Variants in SMURF2 observed in about 807,000 individuals in gnomAD.
SMURF2 encodes the protein E3 ubiquitin-protein ligase SMURF2.
In SMURF2, 48 loss-of-function variants were observed where a neutral mutation model predicts 109.6. The observed-to-expected ratio is 0.44, with a 90% CI of 0.35 to 0.56. The LOEUF is 0.56. Ranked by LOEUF, SMURF2 falls within the 20% of genes least tolerant of loss-of-function variation. SMURF2 has a pLI of 0.01. For missense variants in SMURF2, 575 were observed against 909.0 expected (o/e 0.63, Z 4.72); for synonymous variants, 288 against 317.1 (o/e 0.91, Z 0.97).
At chr17:64,552,517 A>C (rs1555683703) in intron 15 of SMURF2, among the ~76,000 whole-genome samples, 1 of 152,180 alleles carries the variant, frequency 6.6e-6, no homozygotes, top group African/African-American at 2.4e-5. Flanking sequence ...GGGGACAGCA[A>C]AACTGTGTAA....
At chr17:64,605,378 T>C (rs1969954328) in intron 2 of SMURF2, among the ~76,000 whole-genome samples, 2 of 152,128 alleles carry the variant, frequency 1.3e-5, no homozygotes, top group African/African-American at 4.8e-5. Flanking sequence ...GGTTCTGCTC[T>C]ACAAAAACTC....
At chr17:64,637,036 AGAGT>A (rs1382093770) in intron 1 of SMURF2, among the ~76,000 whole-genome samples, 2 of 152,140 alleles carry the variant, frequency 1.3e-5, no homozygotes, top group Non-Finnish European at 2.9e-5. Context: ...TCTGGGCAAC[AGAGT>A]GAGACCTCAT....
At chr17:64,554,320 A>G (rs1467710585) in intron 15 of SMURF2, among the ~76,000 whole-genome samples, 2 of 152,250 alleles carry the variant, frequency 1.3e-5, no homozygotes, top group Non-Finnish European at 2.9e-5. Context: ...GACCAGGCTT[A>G]GGCCTTAAAA....
At chr17:64,626,174 A>C (rs1163280085) in intron 1 of SMURF2, among the ~76,000 whole-genome samples, 2 of 150,932 alleles carry the variant, frequency 1.3e-5, no homozygotes, top group African/African-American at 4.9e-5. Context: ...CATGAGGATC[A>C]CTTGAACTTG....
intron 9 of SMURF2, among the ~76,000 whole-genome samples, chr17:64,577,941 CTTT>C (rs1157721982): frequency 8.3e-6 from 1 of 121,202 alleles, no homozygotes. Flanking sequence ...TTTCATTCCA[CTTT>C]TTTTTTTTTT....
chr17:64,609,016 A>AGCCTT (rs1438638464), intron 1 of SMURF2, among the ~76,000 whole-genome samples: 3 of 152,066 alleles, frequency 2.0e-5, no homozygotes, highest in East Asian at 3.9e-4. Context: ...AGACAAACAG[A>AGCCTT]GCCAATTGCT....
chr17:64,648,085 A>AAAAAAAAAAAAAAAAC (rs1970585437), intron 1 of SMURF2, among the ~76,000 whole-genome samples: 1 of 138,874 alleles, frequency 7.2e-6, no homozygotes, highest in African/African-American at 2.6e-5. Context: ...AAAAAAAAAA[A>AAAAAAAAAAAAAAAAC]AAAAAAACAG....
chr17:64,639,104 T>C (rs1338676301), intron 1 of SMURF2, among the ~76,000 whole-genome samples: 1 of 152,228 alleles, frequency 6.6e-6, no homozygotes, highest in Non-Finnish European at 1.5e-5. Context: ...AATGTTCTGT[T>C]TCTTGATCTG....
intron 1 of SMURF2, among the ~76,000 whole-genome samples, chr17:64,609,127 C>T (rs1160335004): frequency 1.3e-5 from 2 of 152,038 alleles, no homozygotes; most frequent in Non-Finnish European, 2.9e-5. Flanking sequence ...AGAGAGGACA[C>T]AAATAAATGG....
chr17:64,597,216 C>T (rs1555688170), intron 3 of SMURF2, among the ~76,000 whole-genome samples: 1 of 151,640 alleles, frequency 6.6e-6, no homozygotes, highest in Non-Finnish European at 1.5e-5. Context: ...CCAGACTGGG[C>T]AATATAGCAA....
chr17:64,658,443 T>C (rs1970732728), intron 1 of SMURF2, among the ~76,000 whole-genome samples: 1 of 152,230 alleles, frequency 6.6e-6, no homozygotes, highest in South Asian at 2.1e-4. Context: ...CTTGAATCGA[T>C]AAAATATGTA....
chr17:64,557,285 C>T (rs75173257), intron 13 of SMURF2, among the ~76,000 whole-genome samples: 7,508 of 152,230 alleles, frequency 0.049, 292 homozygotes, highest in Admixed American at 0.13. Context: ...GATGAGACCA[C>T]GACACGTCTT....
intron 1 of SMURF2, among the ~76,000 whole-genome samples, chr17:64,617,888 C>T (rs186865694): frequency 9.9e-5 from 15 of 152,092 alleles, no homozygotes; most frequent in African/African-American, 3.6e-4. Context: ...CACAAACATG[C>T]GTACTTTTTA....
At chr17:64,652,826 A>G (rs1256923853) in intron 1 of SMURF2, among the ~76,000 whole-genome samples, 1 of 152,190 alleles carries the variant, frequency 6.6e-6, no homozygotes, top group Admixed American at 6.5e-5. Flanking sequence ...TGGAGGAAAC[A>G]AAAGTATTTT....
chr17:64,656,459 A>C (rs1970706727), intron 1 of SMURF2, among the ~76,000 whole-genome samples: 1 of 152,254 alleles, frequency 6.6e-6, no homozygotes, highest in South Asian at 2.1e-4. Flanking sequence ...GGCACATGCC[A>C]TGAAATTAGC....
chr17:64,568,808 C>A (rs1010012975), intron 10 of SMURF2, among the ~76,000 whole-genome samples: 1 of 150,528 alleles, frequency 6.6e-6, no homozygotes, highest in African/African-American at 2.5e-5. Context: ...TGGAGACCAG[C>A]CTGGCTAACA....
chr17:64,564,557 A>G (rs899238195), intron 10 of SMURF2, among the ~76,000 whole-genome samples: 3 of 152,192 alleles, frequency 2.0e-5, no homozygotes, highest in Admixed American at 6.5e-5. Context: ...ATACTGGATT[A>G]GGATGGCCTT....
chr17:64,618,014 G>A (rs1474609903), intron 1 of SMURF2, among the ~76,000 whole-genome samples: 1 of 152,130 alleles, frequency 6.6e-6, no homozygotes, highest in Non-Finnish European at 1.5e-5. Context: ...AATCTAGTCA[G>A]AATTATAGAT....
intron 13 of SMURF2, among the ~76,000 whole-genome samples, chr17:64,556,217 C>A (rs572076689): frequency 2.0e-5 from 3 of 152,122 alleles, no homozygotes; most frequent in African/African-American, 7.2e-5. Context: ...CTCGCAGGGG[C>A]CAGTCATTTT....
Sources: allele counts gnomAD v4.1 joint callset (sites outside exome capture counted in the v4.1 genomes callset), GRCh38; gene constraint gnomAD v4.1.1; transcripts MANE v1.5; gene names NCBI Gene and HGNC (gene_info 2026-07-23, HGNC 2026-07-21).